The following NXPE2 variants were observed in gnomAD, a reference collection of about 807,000 sequenced individuals.
NXPE2 encodes the protein neurexophilin and PC-esterase domain family member 2.
NXPE2 carries 34 observed loss-of-function variants against 34.4 expected under a neutral mutation model. That is an observed-to-expected ratio of 0.99 (90% CI 0.75 to 1.31). The LOEUF (loss-of-function observed/expected upper bound fraction) is 1.31. Ranked by LOEUF, NXPE2 falls within the 40% of genes most tolerant of loss-of-function variation. The pLI, the probability that NXPE2 is intolerant of heterozygous loss-of-function variation, is 0.00. For synonymous variants in NXPE2, 235 were observed against 231.3 expected (o/e 1.02, Z -0.15); for missense variants, 649 against 672.5 (o/e 0.97, Z 0.39).
At chr11:114,780,813 G>T in the NXPE2 span, among the ~76,000 whole-genome samples, 4 of 152,196 alleles carry the variant, frequency 2.6e-5, no homozygotes, top group African/African-American at 9.7e-5. Flanking sequence ...CAGACAGAAG[G>T]AGCCACAGAA....
chr11:114,569,700 G>A, the NXPE2 span, among the ~76,000 whole-genome samples: 1 of 152,132 alleles, frequency 6.6e-6, no homozygotes, highest in African/African-American at 2.4e-5. Flanking sequence ...TGCCACTGCA[G>A]CGTCAAACCC....
chr11:114,783,653 T>C, the NXPE2 span, among the ~76,000 whole-genome samples: 3 of 152,342 alleles, frequency 2.0e-5, no homozygotes, highest in East Asian at 5.8e-4. Flanking sequence ...GATTAATGGT[T>C]TGTTTTTCCA....
chr11:114,490,415 C>T, the NXPE2 span, among the ~76,000 whole-genome samples: 4 of 152,182 alleles, frequency 2.6e-5, no homozygotes, highest in Admixed American at 2.0e-4. Flanking sequence ...GCCAAAAGAA[C>T]AAAGCTGGAG....
At chr11:114,469,464 T>A in the NXPE2 span, among the ~76,000 whole-genome samples, 1 of 152,088 alleles carries the variant, frequency 6.6e-6, no homozygotes, top group Non-Finnish European at 1.5e-5. Context: ...CAACATACAA[T>A]AAACTGCACA....
the NXPE2 span, among the ~76,000 whole-genome samples, chr11:114,601,788 TGTGA>T: frequency 3.2e-3 from 228 of 72,006 alleles, 8 homozygotes; most frequent in African/African-American, 0.012. Context: ...TTATATAACA[TGTGA>T]TATATGATTA....
chr11:114,479,789 T>C, the NXPE2 span, among the ~76,000 whole-genome samples: 1 of 152,138 alleles, frequency 6.6e-6, no homozygotes, highest in African/African-American at 2.4e-5. Context: ...TGCATAGCTA[T>C]AAAGGAATAC....
the NXPE2 span, among the ~76,000 whole-genome samples, chr11:114,628,288 A>G: frequency 6.6e-6 from 1 of 151,370 alleles, no homozygotes; most frequent in South Asian, 2.1e-4. Flanking sequence ...CTCCTCAGAA[A>G]ATGTAAAAGA....
chr11:114,678,351 G>A (rs1279210306), upstream of NXPE2: 3 of 435,434 alleles, frequency 6.9e-6, no homozygotes, highest in East Asian at 3.7e-5. Flanking sequence ...AAACTTCAGA[G>A]CTTCCTCATG....
the NXPE2 span, among the ~76,000 whole-genome samples, chr11:114,602,372 C>A: frequency 8.1e-6 from 1 of 123,834 alleles, no homozygotes; most frequent in South Asian, 2.4e-4. Flanking sequence ...ATGTTATATA[C>A]AATATATATT....
chr11:114,787,435 A>G, the NXPE2 span, among the ~76,000 whole-genome samples: 4 of 152,198 alleles, frequency 2.6e-5, no homozygotes, highest in Admixed American at 2.6e-4. Context: ...ACAATGGCTG[A>G]GCTGATAATG....
At chr11:114,479,185 T>G in the NXPE2 span, among the ~76,000 whole-genome samples, 1 of 152,198 alleles carries the variant, frequency 6.6e-6, no homozygotes. Flanking sequence ...CAAGCTCCTC[T>G]TGTTCTGATG....
At chr11:114,532,894 T>C in the NXPE2 span, among the ~76,000 whole-genome samples, 1 of 152,230 alleles carries the variant, frequency 6.6e-6, no homozygotes, top group Non-Finnish European at 1.5e-5. Context: ...TAAAATCTCA[T>C]GATTTTTCAC....
the NXPE2 span, among the ~76,000 whole-genome samples, chr11:114,542,724 G>T: frequency 0.36 from 55,070 of 151,892 alleles, 10,220 homozygotes; most frequent in East Asian, 0.66. Context: ...TCATTAGAGG[G>T]AAGCAATAGT....
chr11:114,607,605 G>A, the NXPE2 span, among the ~76,000 whole-genome samples: 1 of 151,536 alleles, frequency 6.6e-6, no homozygotes, highest in Non-Finnish European at 1.5e-5. Context: ...TGCCTCGTGA[G>A]TAACCAGTGT....
At chr11:114,615,446 C>G in the NXPE2 span, among the ~76,000 whole-genome samples, 1 of 152,018 alleles carries the variant, frequency 6.6e-6, no homozygotes, top group African/African-American at 2.4e-5. Context: ...TGGGTAACCA[C>G]TGTTACCCAG....
the NXPE2 span, among the ~76,000 whole-genome samples, chr11:114,625,812 G>T: frequency 1.1e-3 from 164 of 152,220 alleles, no homozygotes; most frequent in Non-Finnish European, 2.0e-3. Flanking sequence ...AGGTCAGTGG[G>T]TGAGCACACC....
chr11:114,740,374 T>C, the NXPE2 span, among the ~76,000 whole-genome samples: 2 of 150,504 alleles, frequency 1.3e-5, no homozygotes, highest in African/African-American at 4.9e-5. Flanking sequence ...TGTTTCTGTA[T>C]CTTGGTTATT....
chr11:114,631,133 G>A, the NXPE2 span, among the ~76,000 whole-genome samples: 1 of 151,974 alleles, frequency 6.6e-6, no homozygotes, highest in Non-Finnish European at 1.5e-5. Context: ...CAGGGATCTA[G>A]AACTAGAAAT....
chr11:114,779,322 G>T, the NXPE2 span, among the ~76,000 whole-genome samples: 1 of 125,248 alleles, frequency 8.0e-6, no homozygotes, highest in Non-Finnish European at 1.7e-5. Flanking sequence ...AGTGGGGTGT[G>T]GGGAGAGCCT....
Sources: allele counts gnomAD v4.1 joint callset (sites outside exome capture counted in the v4.1 genomes callset), GRCh38; gene constraint gnomAD v4.1.1; transcripts MANE v1.5; gene names NCBI Gene and HGNC (gene_info 2026-07-23, HGNC 2026-07-21).